The following SUMF1 variants were observed in gnomAD, a reference collection of about 807,000 sequenced individuals.
The protein encoded by SUMF1 is sulfatase modifying factor 1.
SUMF1 carries 48 observed loss-of-function variants against 47.6 expected under a neutral mutation model. That is an observed-to-expected ratio of 1.01 (90% CI 0.80 to 1.28). The LOEUF is 1.28. Ranked by LOEUF, SUMF1 falls within the 50% of genes most tolerant of loss-of-function variation. The pLI, the probability that SUMF1 is intolerant of heterozygous loss-of-function variation, is 0.00. For missense variants in SUMF1, 571 were observed against 485.4 expected (o/e 1.18, Z -1.66); for synonymous variants, 230 against 192.1 (o/e 1.20, Z -1.63).
intron 8 of SUMF1, among the ~76,000 whole-genome samples, chr3:4,311,096 T>C (rs1698387466): frequency 1.3e-5 from 2 of 152,172 alleles, no homozygotes; most frequent in Admixed American, 6.5e-5. Context: ...ATTTCCTCTC[T>C]CCACCCCCAA....
chr3:4,160,901 G>C (rs1282226472), intron 8 of SUMF1, among the ~76,000 whole-genome samples: 1 of 152,048 alleles, frequency 6.6e-6, no homozygotes, highest in Non-Finnish European at 1.5e-5. Flanking sequence ...TTAGTGTCTG[G>C]ACATTGAAGA....
chr3:4,253,456 CA>C (rs1324554024), intron 8 of SUMF1, among the ~76,000 whole-genome samples: 2 of 152,168 alleles, frequency 1.3e-5, no homozygotes, highest in African/African-American at 4.8e-5. Context: ...CTGGGAAGCA[CA>C]AGGGGTCAGG....
intron 8 of SUMF1, among the ~76,000 whole-genome samples, chr3:4,076,968 C>T (rs900083573): frequency 2.6e-5 from 4 of 151,942 alleles, no homozygotes; most frequent in African/African-American, 9.7e-5. Flanking sequence ...CGTGCCACTG[C>T]ACTCCAGCCT....
rs115371008 is a variant in SUMF1 at position 4,122,255 on chromosome 3, A to G, written c.1015-53510T>C. Among the ~76,000 whole-genome samples, 142 of 152,302 alleles carry G rather than the reference A, an allele frequency of 9.3e-4. 1 individual carries two copies. Among genetic ancestry groups the G allele is most frequent in the Admixed American group, 1.8e-3 (27 of 15,296 alleles). On this transcript the variant is annotated intron_variant and NMD_transcript_variant, in intron 8 of 12. Transcript: ENST00000448413. ...CAATTATGGTGTATCCGTATAACAG[A>G]ATATTATTTCAGCATTCTATTAAGT...
At chr3:4,222,572 C>T (rs1696090604) in intron 8 of SUMF1, among the ~76,000 whole-genome samples, 1 of 151,992 alleles carries the variant, frequency 6.6e-6, no homozygotes, top group Admixed American at 6.6e-5. Context: ...GCAGCCCCCA[C>T]ACCTTGTTCC....
At chr3:4,146,500 G>C (rs531209489) in intron 8 of SUMF1, among the ~76,000 whole-genome samples, 4 of 151,922 alleles carry the variant, frequency 2.6e-5, no homozygotes, top group African/African-American at 9.7e-5. Flanking sequence ...ACAAAAAGTC[G>C]GTAGTTATAG....
intron 8 of SUMF1, among the ~76,000 whole-genome samples, chr3:4,312,734 A>G (rs111284036): frequency 0.012 from 1,806 of 149,982 alleles, 20 homozygotes; most frequent in African/African-American, 0.037. Context: ...TGTTTTATTG[A>G]AGAGAGATGT....
chr3:4,334,336 G>T (rs1348346343), intron 8 of SUMF1, among the ~76,000 whole-genome samples: 1 of 152,076 alleles, frequency 6.6e-6, no homozygotes, highest in Non-Finnish European at 1.5e-5. Context: ...TTTTGCAAAG[G>T]TATCTTCCCC....
chr3:4,265,658 A>C lies in SUMF1; in HGVS notation c.1014+110672T>G, dbSNP rs190008407. Among the ~76,000 whole-genome samples, 80 of 152,002 alleles carry C rather than the reference A, an allele frequency of 5.3e-4. 1 individual carries two copies. The East Asian group carries it at 0.013, about 25-fold the overall frequency. On this transcript the variant is annotated intron_variant and NMD_transcript_variant, in intron 8 of 12. Coordinates refer to the SUMF1 transcript ENST00000448413. ...TTTGTCAGATGAGTAGGTTGCGAAA[A>C]TTTTCTCCCATTTTCTGGGTTGCCT... is the stretch of plus-strand genomic sequence containing the variant.
intron 8 of SUMF1, among the ~76,000 whole-genome samples, chr3:4,321,858 G>T (rs58673214): frequency 0.012 from 1,806 of 152,176 alleles, 19 homozygotes; most frequent in African/African-American, 0.036. Context: ...GGGGAGCAGA[G>T]TAACTTTACT....
chr3:4,230,132 C>G (rs1242798), intron 8 of SUMF1, among the ~76,000 whole-genome samples: 32,217 of 151,710 alleles, frequency 0.21, 4,516 homozygotes, highest in African/African-American at 0.38. Flanking sequence ...TGTGCTGTTT[C>G]TACTCACAGC....
chr3:4,223,383 G>GT (rs1280324923), intron 8 of SUMF1, among the ~76,000 whole-genome samples: 4 of 152,108 alleles, frequency 2.6e-5, no homozygotes, highest in Non-Finnish European at 5.9e-5. Context: ...GGAGATAATG[G>GT]TATTACATAG....
chr3:4,302,168 C>T (rs1200088245), intron 8 of SUMF1, among the ~76,000 whole-genome samples: 4 of 152,160 alleles, frequency 2.6e-5, no homozygotes, highest in South Asian at 4.1e-4. Flanking sequence ...TAAGAATGCG[C>T]CCCCAACATA....
intron 7 of SUMF1, among the ~76,000 whole-genome samples, chr3:4,386,207 G>A (rs529893579): frequency 6.6e-6 from 1 of 152,232 alleles, no homozygotes; most frequent in African/African-American, 2.4e-5. Flanking sequence ...AAACAATTGG[G>A]GGAAGAACTG....
intron 8 of SUMF1, among the ~76,000 whole-genome samples, chr3:4,273,146 T>C (rs1473267175): frequency 1.3e-5 from 2 of 150,326 alleles, no homozygotes; most frequent in Non-Finnish European, 3.0e-5. Flanking sequence ...ATATAGAATT[T>C]ACCATATGGT....
At chr3:4,399,260 T>C (rs1302617569) in intron 7 of SUMF1, among the ~76,000 whole-genome samples, 8 of 152,228 alleles carry the variant, frequency 5.3e-5, no homozygotes, top group Middle Eastern at 3.4e-3. Flanking sequence ...GACTATATTA[T>C]ACAGGGATGC....
chr3:4,058,252 T>C (rs1305144566), intron 9 of SUMF1, among the ~76,000 whole-genome samples: 1 of 152,130 alleles, frequency 6.6e-6, no homozygotes, highest in Admixed American at 6.6e-5. Context: ...AGCAGGTATA[T>C]ACACATATAT....
At position 4,417,219 on chromosome 3, in the gene SUMF1, A is replaced by G; in HGVS notation, c.749T>C (p.Leu250Pro). 4 of 1,614,028 alleles carry G rather than the reference A, an allele frequency of 2.5e-6. No individual in the cohort carries two copies. The highest frequency in any genetic ancestry group is 3.4e-6 in the Non-Finnish European group (4 of 1,179,932). ...GGCATAATGCTGGCCTTTGGGCTGC[A>G]GTTTGTTGCCCCAGGGGAAAAGTCT... ...HNRLFPWGNKLQPKGQHYANI... is the reference protein window; with the variant it reads ...HNRLFPWGNKPQPKGQHYANI... The change falls in exon 6 of 9, where the codon CTG (leucine) becomes CCG (proline). Residue 250 changes from leucine (L) to proline (P), a missense_variant. By Grantham distance (98) the Leu-to-Pro change is moderately conservative. Transcript: ENST00000272902.
intron 7 of SUMF1, among the ~76,000 whole-genome samples, chr3:4,403,161 T>A (rs996641591): frequency 3.9e-5 from 6 of 152,176 alleles, no homozygotes; most frequent in African/African-American, 1.4e-4. Context: ...GTAGAAATCT[T>A]CATCCCCATT....
Sources: allele counts gnomAD v4.1 joint callset (sites outside exome capture counted in the v4.1 genomes callset), GRCh38; gene constraint gnomAD v4.1.1; transcripts MANE v1.5; gene names NCBI Gene and HGNC (gene_info 2026-07-23, HGNC 2026-07-21).